The following SLC22A15 variants were observed in gnomAD, a reference collection of about 807,000 sequenced individuals.
The protein encoded by SLC22A15 is solute carrier family 22 member 15.
Under a neutral mutation model 62.7 loss-of-function variants are expected in SLC22A15, and 45 were observed. That is an observed-to-expected ratio of 0.72 (90% CI 0.56 to 0.92). The LOEUF (loss-of-function observed/expected upper bound fraction) is 0.92, where lower values mean the gene tolerates loss of function less well. Among genes scored for constraint, SLC22A15 ranks in the 40% least tolerant of loss-of-function variants. SLC22A15 has a pLI of 0.00. For synonymous variants in SLC22A15, 264 were observed against 267.0 expected (o/e 0.99, Z 0.11); for missense variants, 622 against 665.6 (o/e 0.93, Z 0.72).
At chr1:116,036,707 A>C (rs755267894) in intron 7 of SLC22A15, among the ~76,000 whole-genome samples, 1 of 152,196 alleles carries the variant, frequency 6.6e-6, no homozygotes, top group Non-Finnish European at 1.5e-5. Context: ...TTCTAATGTT[A>C]ATATCTTTCT....
chr1:116,064,704 AT>A (rs749441732), intron 10 of SLC22A15, among the ~76,000 whole-genome samples, 196 bp downstream of exon 10: 1 of 152,038 alleles, frequency 6.6e-6, no homozygotes, highest in Non-Finnish European at 1.5e-5. Context: ...AGTGGGTCTG[AT>A]TTTTTGTTCA....
intron 5 of SLC22A15, among the ~76,000 whole-genome samples, chr1:116,030,903 T>G (rs950808957): frequency 2.0e-5 from 3 of 152,098 alleles, no homozygotes; most frequent in Admixed American, 2.0e-4. Flanking sequence ...CCTGATGAGA[T>G]AATAAAGATT....
chr1:116,016,664 C>A (rs566858110), intron 2 of SLC22A15, among the ~76,000 whole-genome samples: 1 of 152,300 alleles, frequency 6.6e-6, no homozygotes, highest in East Asian at 1.9e-4. Context: ...TGAATTCCCA[C>A]CATGTACCTA....
At chr1:116,020,278 C>T (rs1301918059) in intron 3 of SLC22A15, among the ~76,000 whole-genome samples, 11 of 149,254 alleles carry the variant, frequency 7.4e-5, no homozygotes, top group African/African-American at 1.7e-4. Context: ...GCTGGCTGGG[C>T]GCGGTGGCTC....
rs766212541 is a variant in SLC22A15 at position 116,031,599 on chromosome 1, T to G, written c.944+18T>G. The stretch of plus-strand genomic sequence containing the variant: ...TTCATCTGGTAATTATACTAAGGCG[T>G]GTTCTGTTGCTCTTTAACTAAGGTT... On this transcript the variant is annotated intron_variant, in intron 6 of 11. Coordinates refer to ENST00000369503, the MANE Select transcript of SLC22A15 (RefSeq NM_018420.3). 1 of 1,611,568 alleles carries G rather than the reference T, an allele frequency of 6.2e-7. No individual in the cohort carries two copies. Among genetic ancestry groups the G allele is most frequent in the Non-Finnish European group, 8.5e-7 (1 of 1,178,324 alleles).
intron 8 of SLC22A15, among the ~76,000 whole-genome samples, chr1:116,056,661 C>G (rs556198138): frequency 1.3e-5 from 2 of 152,038 alleles, no homozygotes; most frequent in Admixed American, 1.3e-4. Flanking sequence ...AACTATACTA[C>G]AAGGCTACAG....
Position 115,995,776 on chromosome 1 carries a change from A to G in SLC22A15, c.300+3533A>G, listed in dbSNP as rs369273244. Among the ~76,000 whole-genome samples the G allele has an allele frequency of 5.2e-4, 79 of 152,192 alleles. No homozygotes were observed. In the Middle Eastern group the frequency reaches 0.014, roughly 26 times the overall value. The stretch of plus-strand genomic sequence containing the variant: ...TTATTTTGGAACTCAAATTTTTCCT[A>G]ATTTACCAGTGGGAACCTCTTCAAG... On this transcript the variant is annotated intron_variant, in intron 2 of 11. Coordinates refer to ENST00000369503, the MANE Select transcript of SLC22A15 (RefSeq NM_018420.3).
intron 5 of SLC22A15, among the ~76,000 whole-genome samples, chr1:116,030,779 A>G (rs1362853976): frequency 6.6e-6 from 1 of 152,172 alleles, no homozygotes; most frequent in Admixed American, 6.5e-5. Flanking sequence ...TGAAGCAGTA[A>G]ACACTCAAAA....
At chr1:116,025,697 C>T (rs1253679039) in intron 4 of SLC22A15, among the ~76,000 whole-genome samples, 1 of 152,174 alleles carries the variant, frequency 6.6e-6, no homozygotes, top group Admixed American at 6.5e-5. Context: ...GCTCTGTGTC[C>T]TTAGGCAGCT....
At chr1:116,031,844 T>C in intron 6 of SLC22A15, 1 of 1,303,976 alleles carries the variant, frequency 7.7e-7, no homozygotes, top group Non-Finnish European at 9.7e-7. Flanking sequence ...TCTTTGCTTT[T>C]GAGGTATTTA....
chr1:116,005,268 A>C (rs745334913), intron 2 of SLC22A15, among the ~76,000 whole-genome samples: 1 of 152,096 alleles, frequency 6.6e-6, no homozygotes, highest in Non-Finnish European at 1.5e-5. Context: ...TGACATGCCT[A>C]TCATTTCTGA....
intron 2 of SLC22A15, among the ~76,000 whole-genome samples, chr1:116,015,617 G>A (rs185280962): frequency 3.3e-4 from 50 of 152,200 alleles, no homozygotes; most frequent in East Asian, 1.5e-3. Context: ...GATCAGTTTC[G>A]TGTTTAATCA....
At chr1:115,982,008 C>A (rs1028797358) in intron 1 of SLC22A15, among the ~76,000 whole-genome samples, 1 of 152,170 alleles carries the variant, frequency 6.6e-6, no homozygotes, top group East Asian at 1.9e-4. Flanking sequence ...GGCTGGATCA[C>A]GAAAGTTTAA....
intron 1 of SLC22A15, among the ~76,000 whole-genome samples, chr1:115,978,482 G>T (rs1654435891): frequency 6.6e-6 from 1 of 152,230 alleles, no homozygotes; most frequent in Non-Finnish European, 1.5e-5. Flanking sequence ...GTCTTAGAGT[G>T]TTGGGGATGA....
At chr1:116,038,496 C>T (rs1246187708) in intron 8 of SLC22A15, among the ~76,000 whole-genome samples, 1 of 152,200 alleles carries the variant, frequency 6.6e-6, no homozygotes, top group African/African-American at 2.4e-5. Context: ...TTGCTCACTA[C>T]TTAGAGTTTA....
chr1:116,002,043 A>G (rs1202190586), intron 2 of SLC22A15, among the ~76,000 whole-genome samples: 1 of 152,246 alleles, frequency 6.6e-6, no homozygotes, highest in East Asian at 1.9e-4. Context: ...CACTGCAGCC[A>G]TAAGTGCATG....
At chr1:116,060,634 G>A (rs2101566521) in intron 8 of SLC22A15, among the ~76,000 whole-genome samples, 1 of 152,264 alleles carries the variant, frequency 6.6e-6, no homozygotes, top group Non-Finnish European at 1.5e-5. Context: ...TTTCTGTTTG[G>A]TTCAATGCCT....
At chr1:115,992,604 C>G (rs1353501274) in intron 2 of SLC22A15, among the ~76,000 whole-genome samples, 3 of 150,240 alleles carry the variant, frequency 2.0e-5, no homozygotes, top group Non-Finnish European at 3.0e-5. Flanking sequence ...ATATAACACC[C>G]ATAGTTCTTT....
intron 3 of SLC22A15, 137 bp downstream of exon 3, chr1:116,019,851 G>A: frequency 1.0e-6 from 1 of 988,398 alleles, no homozygotes; most frequent in Non-Finnish European, 1.4e-6. Context: ...TTATTATCCT[G>A]GCAAGAGGCC....
Sources: allele counts gnomAD v4.1 joint callset (sites outside exome capture counted in the v4.1 genomes callset), GRCh38; gene constraint gnomAD v4.1.1; transcripts MANE v1.5; gene names NCBI Gene and HGNC (gene_info 2026-07-23, HGNC 2026-07-21).